Variants in TTC12 observed in about 807,000 individuals in gnomAD.
TTC12 encodes the protein tetratricopeptide repeat protein 12.
TTC12 carries 70 observed loss-of-function variants against 90.1 expected under a neutral mutation model. The ratio of observed to expected loss-of-function variants is 0.78; its 90% CI spans 0.64 to 0.95. The LOEUF (loss-of-function observed/expected upper bound fraction) is 0.95. TTC12 is among the 40% of genes least tolerant of loss of function. TTC12 has a pLI of 0.00. For missense variants in TTC12, 819 were observed against 846.1 expected, an observed-to-expected ratio of 0.97 and a Z score of 0.40; for synonymous variants, 296 against 311.5, an observed-to-expected ratio of 0.95 and a Z score of 0.53.
chr11:113,366,011 C>T (rs1054007559), intron 21 of TTC12, among the ~76,000 whole-genome samples: 2 of 152,168 alleles, frequency 1.3e-5, no homozygotes, highest in Non-Finnish European at 2.9e-5. Flanking sequence ...CCACCTGCAG[C>T]GAGTGTTTTC....
intron 13 of TTC12, among the ~76,000 whole-genome samples, chr11:113,348,010 C>T (rs1310742982): frequency 6.6e-6 from 1 of 152,194 alleles, no homozygotes; most frequent in Non-Finnish European, 1.5e-5. Flanking sequence ...TGCAAGCCCC[C>T]CTATGCTATC....
chr11:113,335,317 T>A (rs529620893), intron 8 of TTC12, among the ~76,000 whole-genome samples: 9 of 152,298 alleles, frequency 5.9e-5, no homozygotes, highest in African/African-American at 2.2e-4. Context: ...AAATTTGCTG[T>A]AACCTCATCA....
At chr11:113,372,551 A>C (rs968271692) in intron 21 of TTC12, among the ~76,000 whole-genome samples, 4 of 152,224 alleles carry the variant, frequency 2.6e-5, no homozygotes, top group Non-Finnish European at 4.4e-5. Flanking sequence ...TAAAGCACTC[A>C]CATTATTGTA....
At chr11:113,338,255 C>T (rs1948487882) in intron 8 of TTC12, among the ~76,000 whole-genome samples, 1 of 152,170 alleles carries the variant, frequency 6.6e-6, no homozygotes, top group Non-Finnish European at 1.5e-5. Context: ...GAGAAGCCCT[C>T]ACTCTTGAGT....
At position 113,329,949 on chromosome 11, in the gene TTC12, G is replaced by A. The variant is rs372176400; in HGVS notation, c.474G>A (p.Lys158=). The change falls in exon 7 of 22, where the codon AAG becomes AAA. Residue 158 remains lysine (K), a synonymous_variant. Coordinates refer to ENST00000529221, the MANE Select transcript of TTC12 (RefSeq NM_017868.4). ...ATATGAAACTTGAGGACTATGAGAAGGCACTGGTGGATTGTGAGTGGGCTC... is the reference window on the plus strand; with the variant it reads ...ATATGAAACTTGAGGACTATGAGAAAGCACTGGTGGATTGTGAGTGGGCTC... ...QAYMKLEDYE[K]ALVDCEWALK... 2.3e-5 allele frequency: 37 copies of A among 1,613,622 alleles called. 1 individual carries two copies. In the Admixed American group the frequency reaches 5.5e-4, roughly 24 times the overall value.
intron 8 of TTC12, among the ~76,000 whole-genome samples, chr11:113,337,637 T>G (rs933894809): frequency 1.1e-4 from 16 of 152,166 alleles, no homozygotes; most frequent in Non-Finnish European, 1.5e-4. Flanking sequence ...GCTTTTACTT[T>G]GAGTGATCTT....
intron 1 of TTC12, 169 bp from the exon 2 acceptor site, chr11:113,316,074 C>G (rs1388985702): frequency 2.5e-6 from 1 of 397,728 alleles, no homozygotes; most frequent in Non-Finnish European, 4.5e-6. Flanking sequence ...GCCTCTTGGC[C>G]TAAAACAGCA....
chr11:113,358,222 A>T (rs560709076), intron 16 of TTC12, among the ~76,000 whole-genome samples: 1 of 152,304 alleles, frequency 6.6e-6, no homozygotes, highest in African/African-American at 2.4e-5. Flanking sequence ...CAGTGGGAAG[A>T]GGAGGGGCAG....
At chr11:113,339,145 C>T (rs1948542083) in intron 9 of TTC12, 141 bp from the exon 10 acceptor site, 1 of 718,454 alleles carries the variant, frequency 1.4e-6, no homozygotes, top group African/African-American at 1.8e-5. Flanking sequence ...ATTTTCCTTG[C>T]TAACGAAGAG....
At chr11:113,340,261 T>C (rs1555145583) in intron 10 of TTC12, among the ~76,000 whole-genome samples, 1 of 152,246 alleles carries the variant, frequency 6.6e-6, no homozygotes, top group African/African-American at 2.4e-5. Flanking sequence ...TTCAGCAGTT[T>C]CTTGGAGATT....
At chr11:113,350,217 C>G in intron 14 of TTC12, 52 bp downstream of exon 14, 1 of 1,346,752 alleles carries the variant, frequency 7.4e-7, no homozygotes, top group Non-Finnish European at 1.1e-6. Context: ...CTTTGTTGAA[C>G]TGTCTGATCT....
chr11:113,368,276 A>C (rs1454945645), downstream of TTC12: 2 of 1,532,884 alleles, frequency 1.3e-6, no homozygotes, highest in African/African-American at 2.7e-5. Context: ...GAGATGTTTC[A>C]CATGCTAGTA....
intron 16 of TTC12, among the ~76,000 whole-genome samples, chr11:113,354,571 C>T (rs1261995182): frequency 2.6e-5 from 4 of 152,112 alleles, no homozygotes; most frequent in African/African-American, 9.7e-5. Flanking sequence ...AGCTTTTGCC[C>T]ATTTAGTATG....
Position 113,364,948 on chromosome 11 carries a change from A to G in TTC12, c.1930A>G (p.Lys644Glu). ...EVPNVASSLLKTDLLQVLLKL... is the reference protein window; with the variant it reads ...EVPNVASSLLETDLLQVLLKL... ...GCCCAACGTTGCGTCTTCCCTGCTA[A>G]AGACGGACCTTTTGCAGGTCTTGTT... The change falls in exon 21 of 22, where the codon AAG becomes GAG. Residue 644 changes from lysine (K) to glutamate (E), a missense_variant. Physicochemically the swap from Lys to Glu is moderately conservative, Grantham distance 56. Transcript: ENST00000529221. 14 of 1,614,142 alleles carry G rather than the reference A, an allele frequency of 8.7e-6. No homozygotes were observed. Among genetic ancestry groups the G allele is most frequent in the Non-Finnish European group, 1.1e-5 (13 of 1,180,020 alleles).
Position 113,339,487 on chromosome 11 carries a change from T to A in TTC12, c.826+13T>A. On this transcript the variant is annotated intron_variant, in intron 10 of 21. Transcript: ENST00000529221. ...ATGATAAATGAGTGTAAGCCAGAGA[T>A]GTGTGTGATCTCATGAGTGCTGTCA... The A allele has an allele frequency of 6.2e-7, 1 of 1,605,404 alleles. No homozygotes were observed. The highest frequency in any genetic ancestry group is 8.5e-7 in the Non-Finnish European group (1 of 1,175,574).
chr11:113,342,608 A>C (rs942071412), intron 12 of TTC12, among the ~76,000 whole-genome samples: 1 of 152,232 alleles, frequency 6.6e-6, no homozygotes, highest in Non-Finnish European at 1.5e-5. Context: ...GGGAGCCAGC[A>C]ATAGAGCTTG....
chr11:113,345,182 G>A (rs782080099), intron 13 of TTC12, among the ~76,000 whole-genome samples: 2 of 152,116 alleles, frequency 1.3e-5, no homozygotes, highest in South Asian at 4.1e-4. Context: ...ATTTTATGTG[G>A]TTCAATCTAA....
At chr11:113,365,244 G>C (rs929803945) in intron 21 of TTC12, among the ~76,000 whole-genome samples, 184 bp downstream of exon 21, 3 of 152,164 alleles carry the variant, frequency 2.0e-5, no homozygotes, top group Non-Finnish European at 4.4e-5. Flanking sequence ...AGGAAACTGG[G>C]GAGCTCTCGG....
At chr11:113,368,165 G>C, downstream of TTC12, 1 of 1,391,358 alleles carries the variant, frequency 7.2e-7, no homozygotes, top group Non-Finnish European at 9.5e-7. Flanking sequence ...GTCAAATTAC[G>C]TTATTATGTT....
Sources: gnomAD v4.1 joint callset for allele counts (sites outside exome capture counted in the v4.1 genomes callset) on GRCh38, gnomAD v4.1.1 for gene constraint, MANE v1.5 for transcripts, NCBI Gene and HGNC (gene_info 2026-07-23, HGNC 2026-07-21) for gene names.